Variants in CP observed in about 807,000 individuals in gnomAD.
The protein encoded by CP is ceruloplasmin.
A neutral mutation model predicts 122.4 loss-of-function variants in CP; 64 were observed. That is an observed-to-expected ratio of 0.52 (90% CI 0.43 to 0.64). CP has a LOEUF of 0.64. Among genes scored for constraint, CP ranks in the 30% least tolerant of loss-of-function variants. CP has a pLI of 0.00. For synonymous variants in CP, 440 were observed against 436.4 expected (o/e 1.01, Z -0.10); for missense variants, 1,167 against 1,284.4 (o/e 0.91, Z 1.40).
rs528447651 is a variant in CP at position 149,186,308 on chromosome 3, T to C, written c.2077+212A>G. 6 of 593,898 alleles carry C rather than the reference T, an allele frequency of 1.0e-5. No homozygotes were observed. In the Admixed American group the frequency reaches 1.4e-4, roughly 14 times the overall value. 36.8% of individuals were successfully genotyped at this position (593,898 alleles called of 1,614,324 possible). ...GTGGAGAAAACCACACCATGTTCTT[T>C]TACTCCACATTGTCCTCAGTAACTA... On this transcript the variant is annotated intron_variant, in intron 11 of 18. Coordinates refer to ENST00000264613, the MANE Select transcript of CP (RefSeq NM_000096.4).
At chr3:149,190,760 C>A (rs1177413121) in intron 9 of CP, among the ~76,000 whole-genome samples, 1 of 151,752 alleles carries the variant, frequency 6.6e-6, no homozygotes, top group Admixed American at 6.6e-5. Flanking sequence ...TTTCAACTCT[C>A]TAGGGAGCAG....
In CP at chr3:149,198,341, AT is replaced by A. The variant is rs533310060; in HGVS notation, c.1713+25del. ...TGATCATTTTCAAAGAGATTGAACA[AT>A]TTTTTTTTCCCCAGTTGGACTTACC... On this transcript the variant is annotated intron_variant, in intron 9 of 18. Coordinates refer to ENST00000264613, the MANE Select transcript of CP (RefSeq NM_000096.4). 2.7e-4 allele frequency: 416 copies of A among 1,551,560 alleles called. 2 individuals carry two copies. The highest frequency in any genetic ancestry group is 2.4e-3 in the African/African-American group (178 of 73,748).
At chr3:149,193,861 A>C (rs1248265366) in intron 9 of CP, among the ~76,000 whole-genome samples, 2 of 152,224 alleles carry the variant, frequency 1.3e-5, no homozygotes, top group Non-Finnish European at 2.9e-5. Context: ...GAAATATTAA[A>C]TAACTAATCT....
chr3:149,217,964 G>A, intron 1 of CP: 1 of 356,818 alleles, frequency 2.8e-6, no homozygotes, highest in Non-Finnish European at 5.6e-6. Context: ...CATCTTCACT[G>A]TACCATTTGT....
chr3:149,187,938 C>T (rs1400577396), intron 10 of CP, 114 bp downstream of exon 10: 22 of 1,111,066 alleles, frequency 2.0e-5, no homozygotes, highest in South Asian at 1.3e-4. Flanking sequence ...CTATTGTAAT[C>T]GTTTATTGAA....
At position 149,186,694 on chromosome 3, in the gene CP, T is replaced by C. The variant is rs557918675; in HGVS notation, c.1903A>G (p.Thr635Ala). 2 of 1,614,176 alleles carry C rather than the reference T, an allele frequency of 1.2e-6. No individual in the cohort carries two copies. The highest frequency in any genetic ancestry group is 2.7e-5 in the African/African-American group (2 of 75,056). ...ACGACCGAATCTCCTTTGCACATAG[T>C]GAGACCCGGCTGATTCCCATACATG... is the stretch of plus-strand genomic sequence containing the variant. ...GFMYGNQPGL[T>A]MCKGDSVVWY... is the part of the protein sequence containing the mutation. The change falls in exon 11 of 19, where the codon ACT becomes GCT. Residue 635 changes from threonine (T) to alanine (A), a missense_variant. By Grantham distance (58) the Thr-to-Ala change is moderately conservative. This residue lies in a region of CP where 525 missense variants were observed against 657.2 expected (regional missense o/e 0.80). Transcript: ENST00000264613.
At chr3:149,191,157 G>C (rs974630362) in intron 9 of CP, among the ~76,000 whole-genome samples, 1 of 151,738 alleles carries the variant, frequency 6.6e-6, no homozygotes, top group Admixed American at 6.6e-5. Context: ...TCTTTGCAAG[G>C]CTGCCTTTTT....
chr3:149,203,079 T>C (rs1053580191), intron 6 of CP, among the ~76,000 whole-genome samples: 1 of 151,628 alleles, frequency 6.6e-6, no homozygotes, highest in Non-Finnish European at 1.5e-5. Context: ...GCTAATTTTT[T>C]GTATTTTTAG....
chr3:149,182,838 A>C (rs1725873748), intron 13 of CP, among the ~76,000 whole-genome samples: 1 of 152,074 alleles, frequency 6.6e-6, no homozygotes, highest in Non-Finnish European at 1.5e-5. Flanking sequence ...GGGTAGGATA[A>C]TGGGGATAAA....
chr3:149,198,570 G>A lies in CP; in HGVS notation c.1510C>T (p.Pro504Ser), dbSNP rs1727070425. 4 of 1,613,838 alleles carry A rather than the reference G, an allele frequency of 2.5e-6. No individual in the cohort carries two copies. In the South Asian group the frequency reaches 4.4e-5, roughly 18 times the overall value. ...GTGGGTGCCACATGGGAGGCTGAAGGAGGCACACCTGTGAGAAAGGTCACA... is the reference window on the plus strand; with the variant it reads ...GTGGGTGCCACATGGGAGGCTGAAGAAGGCACACCTGTGAGAAAGGTCACA... ...NYNPQSRSVP[P>S]SASHVAPTET... The change falls in exon 9 of 19, where the codon CCT becomes TCT. Residue 504 changes from proline (P) to serine (S), a missense_variant. This residue lies in a region of CP where 642 missense variants were observed against 627.3 expected (regional missense o/e 1.02). Transcript: ENST00000264613.
chr3:149,175,190 A>T (rs1329630449), intron 18 of CP, among the ~76,000 whole-genome samples: 1 of 152,110 alleles, frequency 6.6e-6, no homozygotes, highest in African/African-American at 2.4e-5. Context: ...ACATGGTTGC[A>T]AGTGTTATTT....
chr3:149,219,504 G>T (rs1728675909), intron 1 of CP, among the ~76,000 whole-genome samples: 1 of 152,186 alleles, frequency 6.6e-6, no homozygotes, highest in South Asian at 2.1e-4. Flanking sequence ...ATAAATGAGA[G>T]TTCCCCTGCA....
At chr3:149,209,443 G>A in intron 3 of CP, 59 bp from the exon 4 acceptor site, 10 of 1,504,852 alleles carry the variant, frequency 6.6e-6, no homozygotes, top group Middle Eastern at 1.8e-4. Flanking sequence ...TTTGATTTAT[G>A]TTTTCAGGTG....
chr3:149,188,303 T>A (rs1726313513), intron 9 of CP, 101 bp from the exon 10 acceptor site: 1 of 1,016,610 alleles, frequency 9.8e-7, no homozygotes, highest in African/African-American at 1.6e-5. Context: ...AAGGAAAGAA[T>A]GAGAACAGAA....
At chr3:149,202,457 G>T (rs1727395494) in intron 6 of CP, among the ~76,000 whole-genome samples, 1 of 152,176 alleles carries the variant, frequency 6.6e-6, no homozygotes, top group African/African-American at 2.4e-5. Flanking sequence ...AATCATGGAG[G>T]ATGTTTATTT....
At position 149,207,465 on chromosome 3, in the gene CP, C is replaced by T; in HGVS notation, c.934G>A (p.Asp312Asn). ...QALTNKNYRIDTINLFPATLF... is the reference protein window; with the variant it reads ...QALTNKNYRINTINLFPATLF... ...GTAGCAGGAAAGAGGTTGATTGTGT[C>T]AATACGGTAGTTCTTGTTAGTCAGT... Residue 312 changes from aspartate to asparagine, a missense_variant, in exon 5 of 19, where the codon GAC (aspartate) becomes AAC (asparagine). Coordinates refer to ENST00000264613, the MANE Select transcript of CP (RefSeq NM_000096.4). 6.2e-7 allele frequency: 1 copy of T among 1,613,938 alleles called. No homozygotes were observed. Among genetic ancestry groups the T allele is most frequent in the South Asian group, 1.1e-5 (1 of 91,068 alleles).
chr3:149,178,158 G>A (rs1044272904), intron 16 of CP, among the ~76,000 whole-genome samples, 179 bp from the exon 17 acceptor site: 1 of 152,074 alleles, frequency 6.6e-6, no homozygotes, highest in African/African-American at 2.4e-5. Flanking sequence ...GCTTTTCTAG[G>A]CACTTTGCAC....
At chr3:149,176,536 C>T (rs1725431062) in intron 17 of CP, 124 bp from the exon 18 acceptor site, 19 of 797,042 alleles carry the variant, frequency 2.4e-5, no homozygotes, top group Middle Eastern at 3.5e-4. Flanking sequence ...AAATCGAGCT[C>T]GTTTCTGTGT....
intron 11 of CP, 55 bp from the exon 12 acceptor site, chr3:149,185,501 C>T: frequency 1.3e-6 from 2 of 1,517,784 alleles, no homozygotes; most frequent in Non-Finnish European, 9.1e-7. Context: ...CTCTGGGGCT[C>T]TCCACCTTCC....
Sources: gnomAD v4.1 joint callset for allele counts (sites outside exome capture counted in the v4.1 genomes callset) on GRCh38, gnomAD v4.1.1 for gene constraint, gnomAD v4.1.1 regional missense constraint, MANE v1.5 for transcripts, NCBI Gene and HGNC (gene_info 2026-07-23, HGNC 2026-07-21) for gene names.